The following ASIC2 variants were observed in gnomAD, a reference collection of about 807,000 sequenced individuals.
The protein encoded by ASIC2 is acid sensing ion channel subunit 2.
A neutral mutation model predicts 57.3 loss-of-function variants in ASIC2; 25 were observed. That is an observed-to-expected ratio of 0.44 (90% CI 0.32 to 0.61). The LOEUF is 0.61. Among genes scored for constraint, ASIC2 ranks in the 20% least tolerant of loss-of-function variants. ASIC2 has a pLI of 0.06. For synonymous variants in ASIC2, 319 were observed against 307.5 expected, an observed-to-expected ratio of 1.04 and a Z score of -0.39; for missense variants, 641 against 738.1, an observed-to-expected ratio of 0.87 and a Z score of 1.52.
At chr17:33,570,371 A>T (rs928568021) in intron 1 of ASIC2, among the ~76,000 whole-genome samples, 1 of 152,198 alleles carries the variant, frequency 6.6e-6, no homozygotes, top group Admixed American at 6.5e-5. Flanking sequence ...TCCTGGCCTG[A>T]GTCCTGGGCA....
At chr17:33,357,807 T>C (rs1027052436) in intron 1 of ASIC2, among the ~76,000 whole-genome samples, 2 of 152,178 alleles carry the variant, frequency 1.3e-5, no homozygotes, top group African/African-American at 4.8e-5. Flanking sequence ...ATGCTAAGCC[T>C]CCTAAATTCC....
chr17:33,527,766 G>T (rs1914927896), intron 1 of ASIC2, among the ~76,000 whole-genome samples: 1 of 151,998 alleles, frequency 6.6e-6, no homozygotes, highest in African/African-American at 2.4e-5. Flanking sequence ...GTACAGAGAG[G>T]CTGTGTGGTG....
intron 1 of ASIC2, among the ~76,000 whole-genome samples, chr17:33,282,181 G>T (rs1453800360): frequency 6.6e-6 from 1 of 152,134 alleles, no homozygotes; most frequent in African/African-American, 2.4e-5. Flanking sequence ...TCCAATTCTT[G>T]CTGTAACAAA....
intron 1 of ASIC2, among the ~76,000 whole-genome samples, chr17:33,181,810 C>T (rs769358500): frequency 7.2e-5 from 11 of 152,108 alleles, no homozygotes; most frequent in Non-Finnish European, 1.2e-4. Flanking sequence ...TGGGGGGCAC[C>T]CAATTTGAAT....
chr17:33,801,393 T>C (rs1184853793), intron 1 of ASIC2, among the ~76,000 whole-genome samples: 3 of 152,172 alleles, frequency 2.0e-5, no homozygotes, highest in African/African-American at 7.2e-5. Context: ...AGCTTCTAAA[T>C]ACCCTGCTTG....
At chr17:33,415,720 G>C (rs1910820630) in intron 1 of ASIC2, among the ~76,000 whole-genome samples, 1 of 152,170 alleles carries the variant, frequency 6.6e-6, no homozygotes, top group Non-Finnish European at 1.5e-5. Flanking sequence ...GGGAGAGAGA[G>C]AGAGAGATTA....
At chr17:33,329,099 G>A (rs2142223554) in intron 1 of ASIC2, among the ~76,000 whole-genome samples, 2 of 152,316 alleles carry the variant, frequency 1.3e-5, no homozygotes, top group Middle Eastern at 3.4e-3. Flanking sequence ...GGCAGGAATG[G>A]CTAGGTGATA....
chr17:33,313,660 G>C (rs148645842), intron 1 of ASIC2, among the ~76,000 whole-genome samples: 13 of 152,226 alleles, frequency 8.5e-5, no homozygotes, highest in Non-Finnish European at 1.9e-4. Context: ...ATGGGCCCCT[G>C]TGTGACATTT....
At position 33,483,260 on chromosome 17, in the gene ASIC2, G is replaced by A. The variant is rs1445801033; in HGVS notation, c.556-371193C>T. 2.0e-5 allele frequency among the ~76,000 whole-genome samples: 3 copies of A among 152,334 alleles called. No individual in the cohort carries two copies. In the East Asian group the frequency reaches 5.8e-4, roughly 29 times the overall value. On this transcript the variant is annotated intron_variant, in intron 1 of 9. Transcript: ENST00000359872. ...GTGGGCTCCATCAAGCCCAACATCT[G>A]CTTTTAATCAGTTTTCCATTGCTCC...
At chr17:33,613,199 A>T (rs768342624) in intron 1 of ASIC2, among the ~76,000 whole-genome samples, 4 of 152,186 alleles carry the variant, frequency 2.6e-5, no homozygotes, top group Non-Finnish European at 5.9e-5. Flanking sequence ...CCCTGCTTTC[A>T]TTTAAAAAAT....
chr17:33,181,118 C>A (rs1905967008), intron 1 of ASIC2, among the ~76,000 whole-genome samples: 1 of 152,154 alleles, frequency 6.6e-6, no homozygotes, highest in South Asian at 2.1e-4. Context: ...GGGGTCATGT[C>A]TAGTCAAAAT....
At chr17:33,238,240 A>G (rs1306861646) in intron 1 of ASIC2, among the ~76,000 whole-genome samples, 3 of 152,196 alleles carry the variant, frequency 2.0e-5, no homozygotes, top group African/African-American at 4.8e-5. Flanking sequence ...ACCCTGTGAG[A>G]GCTGCACGAC....
At chr17:33,993,311 T>A (rs1906057249) in intron 1 of ASIC2, among the ~76,000 whole-genome samples, 1 of 152,178 alleles carries the variant, frequency 6.6e-6, no homozygotes, top group African/African-American at 2.4e-5. Context: ...TCCAGAATGA[T>A]GATTTAGTTA....
chr17:33,370,872 G>A (rs1222722432), intron 1 of ASIC2, among the ~76,000 whole-genome samples: 1 of 152,194 alleles, frequency 6.6e-6, no homozygotes, highest in Non-Finnish European at 1.5e-5. Flanking sequence ...ACACAAGAAA[G>A]AATTCCAGGC....
At chr17:33,964,096 CCA>C (rs1905005876) in intron 1 of ASIC2, among the ~76,000 whole-genome samples, 1 of 152,212 alleles carries the variant, frequency 6.6e-6, no homozygotes, top group Non-Finnish European at 1.5e-5. Context: ...TAATTGGTTA[CCA>C]CACTCTTTGT....
chr17:33,278,954 G>A (rs1391300482), intron 1 of ASIC2, among the ~76,000 whole-genome samples: 4 of 152,124 alleles, frequency 2.6e-5, no homozygotes, highest in African/African-American at 9.7e-5. Context: ...ATAAAAGACC[G>A]AGAAAGGAAA....
At chr17:33,993,006 G>C (rs1034139121) in intron 1 of ASIC2, among the ~76,000 whole-genome samples, 2 of 152,152 alleles carry the variant, frequency 1.3e-5, no homozygotes, top group Non-Finnish European at 2.9e-5. Flanking sequence ...CCAGTCCACA[G>C]CTCAATCCTG....
intron 3 of ASIC2, among the ~76,000 whole-genome samples, chr17:33,031,538 A>C (rs1247910620): frequency 6.6e-6 from 1 of 152,160 alleles, no homozygotes; most frequent in Non-Finnish European, 1.5e-5. Flanking sequence ...ATTTTGTTGA[A>C]TGTTCCACGT....
At chr17:33,881,146 C>A (rs1259731016) in intron 1 of ASIC2, among the ~76,000 whole-genome samples, 2 of 152,166 alleles carry the variant, frequency 1.3e-5, no homozygotes, top group East Asian at 3.8e-4. Context: ...AAACCCACAA[C>A]CAATATCATA....
Sources: gnomAD v4.1 joint callset for allele counts (sites outside exome capture counted in the v4.1 genomes callset) on GRCh38, gnomAD v4.1.1 for gene constraint, MANE v1.5 for transcripts, NCBI Gene and HGNC (gene_info 2026-07-23, HGNC 2026-07-21) for gene names.